Variants in ABCA6 observed in about 807,000 individuals in gnomAD.
The protein encoded by ABCA6 is ATP binding cassette subfamily A member 6.
ABCA6 carries 164 observed loss-of-function variants against 191.2 expected under a neutral mutation model. The ratio of observed to expected loss-of-function variants is 0.86; its 90% CI spans 0.76 to 0.98. The LOEUF is 0.98. ABCA6 is among the 50% of genes least tolerant of loss of function. The probability of loss-of-function intolerance (pLI) is 0.00; values close to 1 mark genes in which losing one functional copy is unlikely to be tolerated. For missense variants in ABCA6, 1,958 were observed against 1,894.1 expected (o/e 1.03, Z -0.63); for synonymous variants, 636 against 647.7 (o/e 0.98, Z 0.27).
Position 69,114,753 on chromosome 17 carries a change from C to T in ABCA6, c.1782+9G>A. On this transcript the variant is annotated intron_variant, in intron 13 of 38. Transcript: ENST00000284425. ...TGGCAGGTCAGTTAATCCAAGCATG[C>T]CCTCCTACCTCTTGTTCCACTTCCT... The T allele has an allele frequency of 1.3e-6, 2 of 1,597,794 alleles. No homozygotes were observed.
chr17:69,113,530 T>C, intron 14 of ABCA6, 88 bp downstream of exon 14: 2 of 1,596,390 alleles, frequency 1.3e-6, no homozygotes, highest in Non-Finnish European at 1.7e-6. Flanking sequence ...TGCATTACAA[T>C]GAAAGCTCTA....
chr17:69,107,480 T>C (rs146565526), intron 18 of ABCA6, among the ~76,000 whole-genome samples: 31 of 152,228 alleles, frequency 2.0e-4, no homozygotes, highest in African/African-American at 7.5e-4. Flanking sequence ...TAGGAAATAG[T>C]TTCCAAAAGG....
chr17:69,095,699 G>C (rs1295247055), intron 25 of ABCA6, among the ~76,000 whole-genome samples: 1 of 152,190 alleles, frequency 6.6e-6, no homozygotes, highest in Non-Finnish European at 1.5e-5. Flanking sequence ...TCAATCACCA[G>C]TTGAGGATAT....
At chr17:69,117,775 G>C in intron 11 of ABCA6, 123 bp downstream of exon 11, 2 of 661,780 alleles carry the variant, frequency 3.0e-6, no homozygotes, top group Non-Finnish European at 2.6e-6. Context: ...AAGTGATAGC[G>C]TTATTTATAT....
At chr17:69,103,078 AT>A (rs1213432292) in intron 20 of ABCA6, 110 bp from the exon 21 acceptor site, 15 of 631,812 alleles carry the variant, frequency 2.4e-5, no homozygotes, top group Non-Finnish European at 3.8e-5. Context: ...AATACTATGT[AT>A]AAATGTCTTT....
intron 14 of ABCA6, 128 bp downstream of exon 14, chr17:69,113,490 T>C: frequency 6.5e-7 from 1 of 1,535,404 alleles, no homozygotes; most frequent in African/African-American, 1.4e-5. Context: ...TACTTCTATT[T>C]ATAGTTAAAC....
chr17:69,109,947 T>C (rs980120205), intron 17 of ABCA6: 1 of 152,142 alleles, frequency 6.6e-6, no homozygotes, highest in African/African-American at 2.4e-5. Flanking sequence ...CTTATGCTGA[T>C]GCTAAGATCT....
chr17:69,138,811 T>C (rs1454769916), intron 2 of ABCA6, among the ~76,000 whole-genome samples: 1 of 149,884 alleles, frequency 6.7e-6, no homozygotes, highest in East Asian at 1.9e-4. Flanking sequence ...AACTATCTGA[T>C]CTTTGACAAA....
In ABCA6 at chr17:69,115,411, A is replaced by G; in HGVS notation, c.1571T>C (p.Leu524Pro). The G allele has an allele frequency of 6.2e-7, 1 of 1,611,792 alleles. No individual in the cohort carries two copies. Among genetic ancestry groups the G allele is most frequent in the East Asian group, 2.2e-5 (1 of 44,794 alleles). The change falls in exon 12 of 39, where the codon CTA becomes CCA. Residue 524 changes from leucine to proline, a missense_variant. Leu to Pro is a moderately conservative substitution (Grantham distance 98, BLOSUM62 -3). Coordinates refer to ENST00000284425, the MANE Select transcript of ABCA6 (RefSeq NM_080284.3). ...GHSGAGKSSL[L>P]NILNGLSVPT... is the part of the protein sequence containing the mutation. The stretch of plus-strand genomic sequence containing the variant: ...AACAGACAATCCATTAAGAATATTT[A>G]GCAGTGAAGATTTGCCAGCTCCACT...
chr17:69,129,819 G>T (rs2073830708), intron 6 of ABCA6, 68 bp from the exon 7 acceptor site: 35 of 1,217,662 alleles, frequency 2.9e-5, no homozygotes, highest in Non-Finnish European at 3.6e-5. Flanking sequence ...ATATACAAAA[G>T]CATCTAAAGA....
Position 69,133,738 on chromosome 17 carries a change from A to G in ABCA6, c.694T>C (p.Ser232Pro). ...MFILFFLLHFSPLVYFISLNV... is the reference protein window; with the variant it reads ...MFILFFLLHFPPLVYFISLNV... Reference sequence around the variant, plus strand: ...AGTGATATAAAATATACAAGTGGGGAGAAATGAAGCAAGAAGAATAAAATA... The same window carrying G: ...AGTGATATAAAATATACAAGTGGGGGGAAATGAAGCAAGAAGAATAAAATA... The change falls in exon 6 of 39, where the codon TCC becomes CCC. Residue 232 changes from serine (S) to proline (P), a missense_variant. Ser to Pro is a moderately conservative substitution (Grantham distance 74, BLOSUM62 -1). Coordinates refer to ENST00000284425, the MANE Select transcript of ABCA6 (RefSeq NM_080284.3). The G allele has an allele frequency of 1.2e-6, 2 of 1,611,680 alleles. No homozygotes were observed. The highest frequency in any genetic ancestry group is 1.7e-6 in the Non-Finnish European group (2 of 1,178,286).
intron 28 of ABCA6, 73 bp from the exon 29 acceptor site, chr17:69,087,546 G>A: frequency 6.4e-7 from 1 of 1,560,956 alleles, no homozygotes; most frequent in Non-Finnish European, 8.8e-7. Context: ...CAGCATTCCT[G>A]TGATTTTACT....
rs2073407333 is a variant in ABCA6, at chr17:69,110,810, T to C, written c.2263A>G (p.Thr755Ala). ...ATCATAGTTGAGTTACCTGGAAATG[T>C]ATTTGTCCTTTCCAGTGGCAAAGTA... ...VYTLPLERTN[T>A]FPDLFSDLDK... is the part of the protein sequence containing the mutation. The change falls in exon 17 of 39, where the codon ACA becomes GCA. Residue 755 changes from threonine to alanine, a missense_variant. Physicochemically the swap from Thr to Ala is moderately conservative, Grantham distance 58. Coordinates refer to ENST00000284425, the MANE Select transcript of ABCA6 (RefSeq NM_080284.3). The C allele has an allele frequency of 1.2e-6, 2 of 1,606,646 alleles. No homozygotes were observed. Among genetic ancestry groups the C allele is most frequent in the East Asian group, 2.2e-5 (1 of 44,690 alleles).
intron 30 of ABCA6, 128 bp downstream of exon 30, chr17:69,086,486 AATAT>A (rs68086602): frequency 0.57 from 92,331 of 163,164 alleles, 24,355 homozygotes; most frequent in Non-Finnish European, 0.58. Flanking sequence ...TGGCACACTA[AATAT>A]ATATATATAT....
chr17:69,079,138 A>C, intron 38 of ABCA6, 64 bp from the exon 39 acceptor site: 1 of 1,580,864 alleles, frequency 6.3e-7, no homozygotes, highest in Non-Finnish European at 8.7e-7. Flanking sequence ...GGTCTTCCAA[A>C]TGAACAGGAA....
chr17:69,121,075 T>G (rs1464154855), intron 10 of ABCA6, among the ~76,000 whole-genome samples: 1 of 152,020 alleles, frequency 6.6e-6, no homozygotes, highest in East Asian at 1.9e-4. Context: ...TCAATTTTTA[T>G]ATAAAGCAGA....
At position 69,085,674 on chromosome 17, in the gene ABCA6, C is replaced by G. The variant is rs1196523593; in HGVS notation, c.3980G>C (p.Ser1327Thr). The G allele has an allele frequency of 2.5e-6, 4 of 1,612,508 alleles. No individual in the cohort carries two copies. Among genetic ancestry groups the G allele is most frequent in the Admixed American group, 1.7e-5 (1 of 59,732 alleles). The change falls in exon 31 of 39, where the codon AGT (serine) becomes ACT (threonine). Residue 1327 changes from serine (S) to threonine (T), a missense_variant. Transcript: ENST00000284425. ...CCCAGATATCATTCTAATAGATGAA[C>G]TTTTTCCAGCACCATTGGGTCCTAG... ...GLLGPNGAGK[S>T]SSIRMISGIT...
Position 69,083,334 on chromosome 17 carries a change from G to A in ABCA6, c.4356-3C>T. 2.5e-6 allele frequency: 4 copies of A among 1,569,300 alleles called. No homozygotes were observed. The highest frequency in any genetic ancestry group is 3.4e-6 in the Non-Finnish European group (4 of 1,166,864). ...TAACGACTGCCTGGATTGCCTGCCT[G>A]CAGTGAGCAAAAAAATTAACAGTAT... On this transcript the variant is annotated splice_region_variant and splice_polypyrimidine_tract_variant and intron_variant, in intron 34 of 38. Coordinates refer to ENST00000284425, the MANE Select transcript of ABCA6 (RefSeq NM_080284.3).
intron 14 of ABCA6, 96 bp downstream of exon 14, chr17:69,113,522 C>T (rs1394034170): frequency 1.9e-6 from 3 of 1,585,718 alleles, no homozygotes; most frequent in Non-Finnish European, 2.6e-6. Context: ...TCTCTTGATG[C>T]ATTACAATGA....
Sources: allele counts gnomAD v4.1 joint callset (sites outside exome capture counted in the v4.1 genomes callset), GRCh38; gene constraint gnomAD v4.1.1; transcripts MANE v1.5; gene names NCBI Gene and HGNC (gene_info 2026-07-23, HGNC 2026-07-21).